The following BICDL2 variants were observed in gnomAD, a reference collection of about 807,000 sequenced individuals.
The protein encoded by BICDL2 is BICD family like cargo adaptor 2, also known as BICD family-like cargo adapter 2.
BICDL2 carries 62 observed loss-of-function variants against 56.6 expected under a neutral mutation model. The ratio of observed to expected loss-of-function variants is 1.10; its 90% CI spans 0.89 to 1.35. BICDL2 has a LOEUF of 1.35. BICDL2 is among the 40% of genes most tolerant of loss of function. The probability of loss-of-function intolerance (pLI) is 0.00; values close to 1 mark genes in which losing one functional copy is unlikely to be tolerated. For missense variants in BICDL2, 808 were observed against 684.5 expected, an observed-to-expected ratio of 1.18 and a Z score of -2.01; for synonymous variants, 358 against 319.8, an observed-to-expected ratio of 1.12 and a Z score of -1.27.
Position 3,035,007 on chromosome 16 carries a change from G to GCAC in BICDL2, c.282+205_282+207dup, listed in dbSNP as rs1478670609. The GCAC allele has an allele frequency of 3.7e-5, 22 of 587,698 alleles. No homozygotes were observed. In the East Asian group the frequency reaches 5.9e-4, roughly 16 times the overall value. The allele number at this position is 587,698 out of a possible 1,614,324, so 36.4% of individuals were successfully genotyped here. A position where few individuals can be genotyped will look rare whatever the true frequency, so the allele number is the denominator to read the frequency against. On this transcript the variant is annotated intron_variant, in intron 2 of 9. Coordinates refer to ENST00000572449, the MANE Select transcript of BICDL2 (RefSeq NM_001369667.1). The stretch of plus-strand genomic sequence containing the variant: ...TTACAGGTGTGAGGTACTGTGCCCG[G>GCAC]CACCCAGAGTTCATGTTCTTTGCCA...
At position 3,030,824 on chromosome 16, in the gene BICDL2, G is replaced by A. The variant is rs551567575; in HGVS notation, c.499-12C>T. 3 of 1,598,574 alleles carry A rather than the reference G, an allele frequency of 1.9e-6. No homozygotes were observed. In the Admixed American group the frequency reaches 5.2e-5, roughly 28 times the overall value. On this transcript the variant is annotated splice_polypyrimidine_tract_variant and intron_variant, in intron 3 of 9. Transcript: ENST00000572449. ...TCAGTCTGGGAGGCCTGGGGAGGTG[G>A]AAAGAGGGACAGAGGAGCCTCAGCA...
At chr16:3,035,084 G>C (rs732261) in intron 2 of BICDL2, 131 bp downstream of exon 2, 548,359 of 909,522 alleles carry the variant, frequency 0.6, 168,359 homozygotes, top group African/African-American at 0.69. Flanking sequence ...GTTCCAAAGT[G>C]CCCCCCTCGC....
At chr16:3,036,173 C>T (rs969604612) in intron 1 of BICDL2, 2 of 429,742 alleles carry the variant, frequency 4.7e-6, no homozygotes, top group African/African-American at 4.1e-5. Context: ...CCACGGGACT[C>T]AGGCATTCAT....
chr16:3,034,743 T>C (rs2428675), intron 2 of BICDL2, among the ~76,000 whole-genome samples: 50,577 of 145,460 alleles, frequency 0.35, 9,184 homozygotes, highest in Middle Eastern at 0.39. Context: ...ACTCTGTTGC[T>C]CAAGCTGTAG....
intron 4 of BICDL2, 34 bp from the exon 5 acceptor site, chr16:3,030,629 A>G: frequency 6.3e-7 from 1 of 1,592,582 alleles, no homozygotes; most frequent in East Asian, 2.3e-5. Context: ...GGACAGGGGC[A>G]GCCCCTCCCA....
At chr16:3,029,156 T>G in intron 7 of BICDL2, 124 bp downstream of exon 7, 4 of 1,227,830 alleles carry the variant, frequency 3.3e-6, no homozygotes, top group South Asian at 1.4e-5. Flanking sequence ...TGAAGTAAGT[T>G]TGTTGAGATG....
chr16:3,028,944 C>T, intron 7 of BICDL2, 114 bp from the exon 8 acceptor site: 1 of 1,369,306 alleles, frequency 7.3e-7, no homozygotes, highest in East Asian at 2.5e-5. Flanking sequence ...ACAGACACCC[C>T]AGGCAGCCGT....
chr16:3,033,173 C>T (rs913233308), intron 2 of BICDL2, among the ~76,000 whole-genome samples: 5 of 152,006 alleles, frequency 3.3e-5, no homozygotes, highest in African/African-American at 7.2e-5. Context: ...GGCTTGGTGG[C>T]GCACACCTGG....
intron 1 of BICDL2, 187 bp downstream of exon 1, chr16:3,036,707 G>A (rs557803185): frequency 5.0e-5 from 22 of 441,710 alleles, no homozygotes; most frequent in South Asian, 3.4e-4. Flanking sequence ...AGCCCCAGGC[G>A]TCGGAAGCCC....
chr16:3,036,825 C>T (rs1955739713), intron 1 of BICDL2, 69 bp downstream of exon 1: 3 of 328,046 alleles, frequency 9.1e-6, no homozygotes, highest in Non-Finnish European at 1.8e-5. Context: ...ACCTTCTCCG[C>T]CGACGCGGCC....
chr16:3,030,472 C>G lies in BICDL2; in HGVS notation c.739G>C (p.Glu247Gln), dbSNP rs1271504897. The change falls in exon 5 of 10, where the codon GAG becomes CAG. Residue 247 changes from glutamate (E) to glutamine (Q), a missense_variant. Coordinates refer to ENST00000572449, the MANE Select transcript of BICDL2 (RefSeq NM_001369667.1). The stretch of plus-strand genomic sequence containing the variant: ...ACCTCCAGGCTGTGCTCCCGCCGCT[C>G]CCGCCTCAGCAGCAGCAACTCCTCG... The part of the protein sequence containing the change: ...THEELLLLRR[E>Q]RREHSLELER... The G allele has an allele frequency of 1.2e-6, 2 of 1,603,424 alleles. No homozygotes were observed. The highest frequency in any genetic ancestry group is 1.7e-5 in the Admixed American group (1 of 59,916).
In BICDL2 at chr16:3,035,407, C is replaced by A. The variant is rs1375084426; in HGVS notation, c.90G>T (p.Val30=). The A allele has an allele frequency of 6.2e-7, 1 of 1,612,426 alleles. No homozygotes were observed. Among genetic ancestry groups the A allele is most frequent in the Non-Finnish European group, 8.5e-7 (1 of 1,179,764 alleles). Residue 30 remains valine, a synonymous_variant, in exon 2 of 10, where the codon GTG becomes GTT. Coordinates refer to ENST00000572449, the MANE Select transcript of BICDL2 (RefSeq NM_001369667.1). ...PSGDEGFFPF[V]LERRDSFLGG... is the part of the protein sequence containing the mutation. ...CCAGGAATGAGTCCCGCCGCTCCAG[C>A]ACAAAGGGGAAGAAGCCCTCGTCGC... is the stretch of plus-strand genomic sequence containing the variant.
At chr16:3,031,377 G>A in intron 2 of BICDL2, 1 of 580,534 alleles carries the variant, frequency 1.7e-6, no homozygotes, top group Non-Finnish European at 3.1e-6. Flanking sequence ...CGGGGCAAGG[G>A]TTGGGGTGGG....
At chr16:3,033,798 A>G (rs1164433738) in intron 2 of BICDL2, among the ~76,000 whole-genome samples, 2 of 151,638 alleles carry the variant, frequency 1.3e-5, no homozygotes, top group Non-Finnish European at 2.9e-5. Context: ...AAAAAAAGAA[A>G]AAAAAAATAG....
intron 1 of BICDL2, chr16:3,036,446 C>T (rs7206805): frequency 1.3e-5 from 6 of 455,996 alleles, no homozygotes; most frequent in Non-Finnish European, 2.6e-5. Context: ...CCTCCGGGGG[C>T]TCACCACCCA....
intron 1 of BICDL2, chr16:3,036,664 T>C (rs1479204765): frequency 2.2e-6 from 1 of 447,598 alleles, no homozygotes; most frequent in South Asian, 1.6e-5. Context: ...CCCCTCCCCT[T>C]CCGCACCTAG....
At position 3,035,535 on chromosome 16, in the gene BICDL2, CACTCT is replaced by C; in HGVS notation, c.-30-14_-30-10del. The C allele has an allele frequency of 1.9e-6, 3 of 1,573,722 alleles. No homozygotes were observed. Among genetic ancestry groups the C allele is most frequent in the Non-Finnish European group, 2.6e-6 (3 of 1,161,884 alleles). ...TCTGCGGGGACAGGTGGCTGCGGGA[CACTCT>C]ACTCTGCAGCCTGACAGGGGCTCAC... On this transcript the variant is annotated splice_polypyrimidine_tract_variant and intron_variant, in intron 1 of 9. Coordinates refer to ENST00000572449, the MANE Select transcript of BICDL2 (RefSeq NM_001369667.1).
rs954720018 is a variant in BICDL2 at position 3,029,569 on chromosome 16, G to A, written c.933C>T (p.Gly311=). The change falls in exon 6 of 10, where the codon GGC becomes GGT. Residue 311 remains glycine, a synonymous_variant. Transcript: ENST00000572449. ...HSLDDGDQGQ[G]ADAPGDTPTT... ...CCGGGGTGTCTCCGGGTGCGTCGGC[G>A]CCCTGGCCCTGGTCGCCGTCGTCGA... 1.8e-5 allele frequency: 28 copies of A among 1,545,762 alleles called. No homozygotes were observed. Among genetic ancestry groups the A allele is most frequent in the Non-Finnish European group, 2.1e-5 (24 of 1,150,076 alleles).
chr16:3,028,207 C>T lies in BICDL2; in HGVS notation c.1426G>A (p.Ala476Thr), dbSNP rs369050429. The T allele has an allele frequency of 1.8e-4, 260 of 1,469,284 alleles. No individual in the cohort carries two copies. The highest frequency in any genetic ancestry group is 2.2e-4 in the Non-Finnish European group (244 of 1,122,286). 91.0% of individuals were successfully genotyped at this position (1,469,284 alleles called of 1,614,324 possible). ...GCACGGCGCGGGGTCGACGACGACG[C>T]GGAGGCGCTCAGCTCCTTCTGGCGC... The part of the protein sequence containing the change: ...SQRQKELSAS[A>T]SSSTPRRAAP... Residue 476 changes from alanine to threonine, a missense_variant, in exon 10 of 10, where the codon GCG becomes ACG. Ala to Thr is a moderately conservative substitution (Grantham distance 58, BLOSUM62 0). Coordinates refer to ENST00000572449, the MANE Select transcript of BICDL2 (RefSeq NM_001369667.1).
Sources: gnomAD v4.1 joint callset for allele counts (sites outside exome capture counted in the v4.1 genomes callset) on GRCh38, gnomAD v4.1.1 for gene constraint, MANE v1.5 for transcripts, NCBI Gene and HGNC (gene_info 2026-07-23, HGNC 2026-07-21) for gene names.